Variants in ELF1 observed in about 807,000 individuals in gnomAD.
The protein encoded by ELF1 is E74 like ETS transcription factor 1.
Under a neutral mutation model 59.9 loss-of-function variants are expected in ELF1, and 24 were observed. The ratio of observed to expected loss-of-function variants is 0.40; its 90% CI spans 0.29 to 0.56. ELF1 has a LOEUF of 0.56. ELF1 is among the 20% of genes least tolerant of loss of function. The probability of loss-of-function intolerance (pLI) is 0.44; values close to 1 mark genes in which losing one functional copy is unlikely to be tolerated. For synonymous variants in ELF1, 248 were observed against 266.2 expected (o/e 0.93, Z 0.67); for missense variants, 627 against 742.2 (o/e 0.84, Z 1.80).
In ELF1 at chr13:41,017,189, T is replaced by C. The variant is rs183555090; in HGVS notation, c.-229+2039A>G. Among the ~76,000 whole-genome samples the C allele has an allele frequency of 2.8e-3, 433 of 151,938 alleles. 2 individuals are homozygous for C. The highest frequency in any genetic ancestry group is 0.01 in the African/African-American group (415 of 41,444). On this transcript the variant is annotated intron_variant, in intron 1 of 8. Transcript: ENST00000239882. Reference sequence around the variant, plus strand: ...AAAGAAAACTACATTTTCAAAATCATTGGTTGATCCATTTGGTTGCAACTT... The same window carrying C: ...AAAGAAAACTACATTTTCAAAATCACTGGTTGATCCATTTGGTTGCAACTT...
At chr13:41,023,488 G>T (rs1445126825), upstream of ELF1, among the ~76,000 whole-genome samples, 4 of 152,204 alleles carry the variant, frequency 2.6e-5, no homozygotes, top group Non-Finnish European at 5.9e-5. Context: ...AGAAGACTGA[G>T]ATTGAGTGTT....
At chr13:40,945,825 C>T (rs1393628064) in intron 5 of ELF1, among the ~76,000 whole-genome samples, 1 of 152,164 alleles carries the variant, frequency 6.6e-6, no homozygotes, top group Non-Finnish European at 1.5e-5. Flanking sequence ...TTAATCCACA[C>T]ATGATGTTTT....
At chr13:41,046,764 T>TA (rs1429779926) in intron 1 of ELF1, among the ~76,000 whole-genome samples, 1 of 152,204 alleles carries the variant, frequency 6.6e-6, no homozygotes, top group Admixed American at 6.5e-5. Context: ...TTATGTGTCT[T>TA]AGAGTTGCTC....
At chr13:41,037,715 G>GA (rs1354124881) in intron 1 of ELF1, among the ~76,000 whole-genome samples, 4 of 151,692 alleles carry the variant, frequency 2.6e-5, no homozygotes, top group African/African-American at 9.7e-5. Flanking sequence ...AGAATTGCTG[G>GA]AACCTGGGAG....
At chr13:41,002,473 T>C (rs1874513859) in intron 1 of ELF1, among the ~76,000 whole-genome samples, 1 of 149,834 alleles carries the variant, frequency 6.7e-6, no homozygotes, top group South Asian at 2.1e-4. Flanking sequence ...CGAGAACCCA[T>C]CTCAACACAA....
chr13:41,020,495 A>C (rs1467467997), upstream of ELF1, among the ~76,000 whole-genome samples: 1 of 152,212 alleles, frequency 6.6e-6, no homozygotes, highest in South Asian at 2.1e-4. Context: ...TCACTGACTT[A>C]GGAACTTTAC....
At chr13:40,947,556 G>A (rs1300670293) in intron 5 of ELF1, among the ~76,000 whole-genome samples, 2 of 152,094 alleles carry the variant, frequency 1.3e-5, no homozygotes, top group Non-Finnish European at 2.9e-5. Flanking sequence ...TCTTAACCTG[G>A]GTTTACAACT....
chr13:41,019,164 C>CTGTT, intron 1 of ELF1, 64 bp downstream of exon 1: 2 of 983,362 alleles, frequency 2.0e-6, no homozygotes, highest in Non-Finnish European at 2.4e-6. Context: ...CAGGTAAGAA[C>CTGTT]CACCCTCTGT....
chr13:41,047,066 A>C (rs1448658363), intron 1 of ELF1, among the ~76,000 whole-genome samples: 1 of 152,226 alleles, frequency 6.6e-6, no homozygotes, highest in Non-Finnish European at 1.5e-5. Flanking sequence ...CCAGTTGATC[A>C]AATCGGCTAC....
intron 1 of ELF1, among the ~76,000 whole-genome samples, chr13:41,005,258 T>C (rs1040094753): frequency 5.3e-5 from 8 of 152,090 alleles, no homozygotes; most frequent in African/African-American, 1.9e-4. Context: ...GACTCATTTA[T>C]AGTCTTTTGA....
intron 1 of ELF1, among the ~76,000 whole-genome samples, chr13:41,002,296 A>G (rs1874496509): frequency 6.6e-6 from 1 of 152,130 alleles, no homozygotes; most frequent in African/African-American, 2.4e-5. Context: ...AGAAGAAGAA[A>G]TAATTCTTCC....
intron 1 of ELF1, among the ~76,000 whole-genome samples, chr13:41,051,000 G>C (rs1207083848): frequency 6.6e-6 from 1 of 152,048 alleles, no homozygotes; most frequent in East Asian, 1.9e-4. Flanking sequence ...TGTTTTAATA[G>C]GACCCATCCT....
intron 2 of ELF1, among the ~76,000 whole-genome samples, chr13:40,978,468 C>G (rs1873054869): frequency 6.6e-6 from 1 of 151,678 alleles, no homozygotes; most frequent in Non-Finnish European, 1.5e-5. Flanking sequence ...CTTTCCTAAG[C>G]AGAAGGCAAG....
At chr13:40,970,603 G>T (rs537679489) in intron 2 of ELF1, among the ~76,000 whole-genome samples, 1 of 152,244 alleles carries the variant, frequency 6.6e-6, no homozygotes, top group Admixed American at 6.5e-5. Flanking sequence ...ATGCTGCTTT[G>T]GATGTTAATC....
intron 1 of ELF1, among the ~76,000 whole-genome samples, chr13:41,016,542 G>T (rs9566661): frequency 0.015 from 2,220 of 152,198 alleles, 35 homozygotes; most frequent in East Asian, 0.049. Context: ...ATTTTGTAAA[G>T]TCACATGCAA....
In ELF1 at chr13:40,941,275, T is replaced by A; in HGVS notation, c.902A>T (p.Asp301Val). Residue 301 changes from aspartate to valine, a missense_variant, in exon 8 of 9, where the codon GAT (aspartate) becomes GTT (valine). Asp to Val is a radical substitution (Grantham distance 152). Coordinates refer to ENST00000239882, the MANE Select transcript of ELF1 (RefSeq NM_172373.4). ...EMPKDLIYIN[D>V]EDPSSSIESS... ...CTCTATGCTGGAACTTGGATCCTCA[T>A]CATTTATATATATAAGATCTTTTGG... 1 of 1,614,200 alleles carries A rather than the reference T, an allele frequency of 6.2e-7. No individual in the cohort carries two copies. The highest frequency in any genetic ancestry group is 8.5e-7 in the Non-Finnish European group (1 of 1,180,024).
rs147551415 is a variant in ELF1, at chr13:40,960,784, T to C, written c.73-1768A>G. ...GGTAGTATCTACCAGGTTTCTCTAT[T>C]ATCAAGTTACTAATATGTATCTTGT... On this transcript the variant is annotated intron_variant, in intron 2 of 8. Transcript: ENST00000239882. Among the ~76,000 whole-genome samples the C allele has an allele frequency of 3.1e-3, 473 of 152,306 alleles. 4 individuals carry two copies. The highest frequency in any genetic ancestry group is 0.011 in the African/African-American group (437 of 41,552).
intron 3 of ELF1, among the ~76,000 whole-genome samples, chr13:40,958,019 C>T (rs1420759632): frequency 6.6e-6 from 1 of 152,180 alleles, no homozygotes; most frequent in African/African-American, 2.4e-5. Flanking sequence ...CCTCATCTTG[C>T]CTATTTCTGA....
In ELF1 at chr13:40,963,785, T is replaced by C. The variant is rs760880381; in HGVS notation, c.73-4769A>G. ...AGCTGGGCATGGTGGCATGAGCCTATAGTCCCAGCTACTCAGGAGGATGAG... is the reference window on the plus strand; with the variant it reads ...AGCTGGGCATGGTGGCATGAGCCTACAGTCCCAGCTACTCAGGAGGATGAG... On this transcript the variant is annotated intron_variant, in intron 2 of 8. Transcript: ENST00000239882. 4.6e-5 allele frequency among the ~76,000 whole-genome samples: 7 copies of C among 152,182 alleles called. No individual in the cohort carries two copies. In the South Asian group the frequency reaches 1.5e-3, roughly 32 times the overall value.
Sources: allele counts gnomAD v4.1 joint callset (sites outside exome capture counted in the v4.1 genomes callset), GRCh38; gene constraint gnomAD v4.1.1; transcripts MANE v1.5; gene names NCBI Gene and HGNC (gene_info 2026-07-23, HGNC 2026-07-21).